The following TNRC6B variants were observed in gnomAD, a reference collection of about 807,000 sequenced individuals.
The protein encoded by TNRC6B is trinucleotide repeat-containing gene 6B protein.
A neutral mutation model predicts 203.6 loss-of-function variants in TNRC6B; 52 were observed. The ratio of observed to expected loss-of-function variants is 0.26; its 90% CI spans 0.20 to 0.32. The LOEUF (loss-of-function observed/expected upper bound fraction) is 0.32, where lower values mean the gene tolerates loss of function less well. Ranked by LOEUF, TNRC6B falls within the 10% of genes least tolerant of loss-of-function variation. The pLI is 1.00. For synonymous variants in TNRC6B, 838 were observed against 845.7 expected, an observed-to-expected ratio of 0.99 and a Z score of 0.16; for missense variants, 1,923 against 2,286.2, an observed-to-expected ratio of 0.84 and a Z score of 3.24.
intron 1 of TNRC6B, among the ~76,000 whole-genome samples, chr22:40,242,193 T>C (rs1173199108): frequency 6.6e-6 from 1 of 151,976 alleles, no homozygotes; most frequent in Non-Finnish European, 1.5e-5. Context: ...TGTGTGTGTG[T>C]GTGTGTGTGT....
Position 40,146,901 on chromosome 22 carries a change from G to A in TNRC6B, c.46-9214G>A, listed in dbSNP as rs1179442163. 2.6e-5 allele frequency among the ~76,000 whole-genome samples: 4 copies of A among 152,130 alleles called. No individual in the cohort carries two copies. The East Asian group carries it at 7.7e-4, about 29-fold the overall frequency. On this transcript the variant is annotated intron_variant, in intron 3 of 23. Transcript: ENST00000301923. ...TCTAAGTCAAAGGAATAAATCCAAA[G>A]CCTCTAAGATTGGGTGAGAGAGAGG...
intron 3 of TNRC6B, among the ~76,000 whole-genome samples, chr22:40,130,391 A>G (rs1163089439): frequency 2.6e-5 from 4 of 152,178 alleles, no homozygotes; most frequent in African/African-American, 9.6e-5. Context: ...GGTAGAGTGT[A>G]GAGTACACAG....
intron 12 of TNRC6B, 118 bp from the exon 13 acceptor site, chr22:40,300,337 A>G (rs1221603549): frequency 6.2e-6 from 6 of 969,850 alleles, no homozygotes; most frequent in Non-Finnish European, 8.6e-6. Context: ...TTTTTCACAG[A>G]AAAGTTTGAC....
chr22:40,207,043 G>T (rs1312314834), intron 1 of TNRC6B, among the ~76,000 whole-genome samples: 1 of 152,102 alleles, frequency 6.6e-6, no homozygotes, highest in African/African-American at 2.4e-5. Context: ...GCCTCTGGTT[G>T]CTGGCAGTCC....
At chr22:40,276,332 G>GA (rs368624697) in intron 7 of TNRC6B, among the ~76,000 whole-genome samples, 1,215 of 117,948 alleles carry the variant, frequency 0.01, 4 homozygotes, top group Non-Finnish European at 0.014. Flanking sequence ...GGGTGACAGA[G>GA]AAAAAAAAAA....
chr22:40,215,248 A>G (rs2069619882), intron 1 of TNRC6B, among the ~76,000 whole-genome samples: 1 of 151,520 alleles, frequency 6.6e-6, no homozygotes, highest in African/African-American at 2.4e-5. Context: ...GCCATGTTGG[A>G]AAAGCACAGT....
At chr22:40,293,262 C>T (rs1366237869) in intron 12 of TNRC6B, among the ~76,000 whole-genome samples, 2 of 130,402 alleles carry the variant, frequency 1.5e-5, no homozygotes, top group Non-Finnish European at 3.1e-5. Context: ...GTGGCGTGAT[C>T]GCAGCTTACT....
At chr22:40,194,759 C>T (rs748208358) in intron 1 of TNRC6B, among the ~76,000 whole-genome samples, 1 of 152,206 alleles carries the variant, frequency 6.6e-6, no homozygotes, top group African/African-American at 2.4e-5. Context: ...GTCCTCCCCC[C>T]ACCAATAGAG....
chr22:40,287,467 A>G (rs2070803692), intron 12 of TNRC6B, among the ~76,000 whole-genome samples: 1 of 152,162 alleles, frequency 6.6e-6, no homozygotes, highest in Admixed American at 6.5e-5. Context: ...CCTCCCCGTC[A>G]TCACCACCAA....
intron 1 of TNRC6B, among the ~76,000 whole-genome samples, chr22:40,229,597 C>T (rs958277539): frequency 1.3e-5 from 2 of 152,118 alleles, no homozygotes; most frequent in Non-Finnish European, 2.9e-5. Context: ...CCATTTATCA[C>T]CCCTCTCTGC....
intron 1 of TNRC6B, among the ~76,000 whole-genome samples, chr22:40,075,775 CTTTTATAACAGTT>C (rs140472379): frequency 0.044 from 6,701 of 152,030 alleles, 445 homozygotes; most frequent in African/African-American, 0.14. Context: ...CTTTGTTTTA[CTTTTATAACAGTT>C]GCTTTATGGC....
chr22:40,121,913 T>C (rs1042117499), intron 2 of TNRC6B, among the ~76,000 whole-genome samples: 1 of 152,222 alleles, frequency 6.6e-6, no homozygotes, highest in Admixed American at 6.5e-5. Flanking sequence ...AGTTACAAGC[T>C]AGTGTATAAC....
chr22:40,261,906 G>C lies in TNRC6B; in HGVS notation c.190G>C (p.Val64Leu). 1 of 1,608,602 alleles carries C rather than the reference G, an allele frequency of 6.2e-7. No homozygotes were observed. Among genetic ancestry groups the C allele is most frequent in the Admixed American group, 1.7e-5 (1 of 59,986 alleles). Residue 64 changes from valine to leucine, a missense_variant, in exon 4 of 23, where the codon GTC becomes CTC. Around this residue, in one of 8 missense-constraint regions of TNRC6B, gnomAD observed 111 missense variants for 155.3 expected, o/e 0.71. Coordinates refer to ENST00000454349, the MANE Select transcript of TNRC6B (RefSeq NM_001162501.2). ...SPIGSSPSPP[V>L]NGGNNAKRVA... ...AATTGGCAGCTCTCCATCGCCACCA[G>C]TCAATGGTGGCAACAATGCCAAAAG...
intron 3 of TNRC6B, among the ~76,000 whole-genome samples, chr22:40,153,805 G>A (rs988494806): frequency 7.3e-5 from 11 of 150,992 alleles, no homozygotes; most frequent in African/African-American, 2.4e-4. Flanking sequence ...TTTGTCAGCC[G>A]GTAGTATTAA....
intron 1 of TNRC6B, among the ~76,000 whole-genome samples, chr22:40,046,721 T>C (rs1419130877): frequency 6.7e-6 from 1 of 149,016 alleles, no homozygotes; most frequent in Admixed American, 6.8e-5. Flanking sequence ...CTCGGCTCAC[T>C]GCAAGCTCCG....
chr22:40,219,629 T>C (rs914689910), intron 1 of TNRC6B, among the ~76,000 whole-genome samples: 23 of 152,186 alleles, frequency 1.5e-4, no homozygotes, highest in African/African-American at 5.6e-4. Context: ...ACCTCCTTCC[T>C]GCGCTTCACA....
At chr22:40,221,693 C>G (rs1007165332) in intron 1 of TNRC6B, among the ~76,000 whole-genome samples, 2 of 151,800 alleles carry the variant, frequency 1.3e-5, no homozygotes, top group East Asian at 3.9e-4. Flanking sequence ...CCTGCCTTGG[C>G]CTCTCAAAGT....
At chr22:40,234,760 A>C (rs570112522) in intron 1 of TNRC6B, among the ~76,000 whole-genome samples, 1 of 152,334 alleles carries the variant, frequency 6.6e-6, no homozygotes, top group South Asian at 2.1e-4. Context: ...TTTTCTTCTT[A>C]TAAGCCACTT....
At chr22:40,069,846 A>G (rs1227752771) in intron 1 of TNRC6B, among the ~76,000 whole-genome samples, 1 of 152,154 alleles carries the variant, frequency 6.6e-6, no homozygotes, top group African/African-American at 2.4e-5. Flanking sequence ...ACATTTATTA[A>G]AAGAGATTTT....
Sources: gnomAD v4.1 joint callset for allele counts (sites outside exome capture counted in the v4.1 genomes callset) on GRCh38, gnomAD v4.1.1 for gene constraint, gnomAD v4.1.1 regional missense constraint, MANE v1.5 for transcripts, NCBI Gene and HGNC (gene_info 2026-07-23, HGNC 2026-07-21) for gene names.